B3GAT2: variants seen among roughly 807,000 people sequenced by gnomAD.
B3GAT2 encodes galactosylgalactosylxylosylprotein 3-beta-glucuronosyltransferase 2.
B3GAT2 carries 26 observed loss-of-function variants against 27.8 expected under a neutral mutation model. The observed-to-expected ratio is 0.93, with a 90% confidence interval of 0.68 to 1.30. B3GAT2 has a LOEUF of 1.30. Ranked by LOEUF, B3GAT2 falls within the 50% of genes most tolerant of loss-of-function variation. The pLI is 0.00. For missense variants in B3GAT2, 458 were observed against 459.0 expected (o/e 1.00, Z 0.02); for synonymous variants, 218 against 195.1 (o/e 1.12, Z -0.98).
intron 2 of B3GAT2, among the ~76,000 whole-genome samples, chr6:70,869,133 T>C (rs1387874017): frequency 6.6e-6 from 1 of 152,196 alleles, no homozygotes; most frequent in Non-Finnish European, 1.5e-5. Context: ...TTCTATTTCA[T>C]TAATCTATAT....
At chr6:70,948,481 A>G (rs1484481230) in intron 1 of B3GAT2, among the ~76,000 whole-genome samples, 1 of 151,764 alleles carries the variant, frequency 6.6e-6, no homozygotes, top group Non-Finnish European at 1.5e-5. Context: ...CCCATGCACA[A>G]TTGCTTCAAA....
intron 1 of B3GAT2, among the ~76,000 whole-genome samples, chr6:70,947,493 A>C (rs926139589): frequency 6.6e-6 from 1 of 152,206 alleles, no homozygotes; most frequent in South Asian, 2.1e-4. Context: ...GAAATGGATA[A>C]ATTCCTCGAC....
chr6:70,932,877 C>T (rs1469248733), intron 1 of B3GAT2, among the ~76,000 whole-genome samples: 18 of 152,074 alleles, frequency 1.2e-4, no homozygotes. Flanking sequence ...TCATAGAGCA[C>T]CACAACCTCA....
At chr6:70,943,836 G>T (rs189293647) in intron 1 of B3GAT2, among the ~76,000 whole-genome samples, 1 of 151,964 alleles carries the variant, frequency 6.6e-6, no homozygotes, top group Non-Finnish European at 1.5e-5. Flanking sequence ...TTGGTCAAAG[G>T]ATACAAAATT....
intron 1 of B3GAT2, among the ~76,000 whole-genome samples, chr6:70,897,676 T>C (rs796869101): frequency 6.7e-6 from 1 of 148,490 alleles, no homozygotes; most frequent in East Asian, 2.0e-4. Context: ...AAAAAATATA[T>C]ATATATATAT....
rs1158315945 is a variant in B3GAT2 at position 70,935,138 on chromosome 6, AAG to A, written c.591+20699_591+20700del. On this transcript the variant is annotated intron_variant, in intron 1 of 3. Transcript: ENST00000230053. ...AGGAGGAATGAAGATAGAAAAAAAA[AAG>A]AGCAATATAAAATATCCAAACGTGG... Among the ~76,000 whole-genome samples, 5 of 152,212 alleles carry A rather than the reference AAG, an allele frequency of 3.3e-5. No individual in the cohort carries two copies. The East Asian group carries it at 7.7e-4, about 23-fold the overall frequency.
At chr6:70,866,398 T>C (rs1026880588) in intron 2 of B3GAT2, among the ~76,000 whole-genome samples, 1 of 152,212 alleles carries the variant, frequency 6.6e-6, no homozygotes, top group African/African-American at 2.4e-5. Flanking sequence ...CATATGTATT[T>C]ATAATATAGT....
chr6:70,889,645 T>C (rs1306008724), intron 2 of B3GAT2, among the ~76,000 whole-genome samples: 6 of 152,094 alleles, frequency 3.9e-5, no homozygotes, highest in African/African-American at 4.8e-5. Context: ...TCAGTGGCCA[T>C]TGCACCCTTC....
intron 1 of B3GAT2, among the ~76,000 whole-genome samples, chr6:70,918,742 T>C (rs1392794079): frequency 1.3e-5 from 2 of 152,226 alleles, no homozygotes; most frequent in African/African-American, 2.4e-5. Context: ...TTCTGGCTTG[T>C]AGTGTTTCTG....
chr6:70,918,229 T>G (rs1360461854), intron 1 of B3GAT2, among the ~76,000 whole-genome samples: 1 of 151,694 alleles, frequency 6.6e-6, no homozygotes, highest in Admixed American at 6.6e-5. Context: ...TGGCAAACCC[T>G]TTTTTTTGCT....
chr6:70,879,484 C>T (rs1428546453), intron 2 of B3GAT2, among the ~76,000 whole-genome samples: 1 of 150,898 alleles, frequency 6.6e-6, no homozygotes. Flanking sequence ...ACTTAGGATT[C>T]ATTCATTCAT....
chr6:70,955,208 A>T lies in B3GAT2; in HGVS notation c.591+631T>A, dbSNP rs76082319. On this transcript the variant is annotated intron_variant, in intron 1 of 3. Coordinates refer to ENST00000230053, the MANE Select transcript of B3GAT2 (RefSeq NM_080742.3). ...AAAAAAAAGTAATCTTGAGGGTCAGAAAAGACTTTTGTGAGGTGTGGGAAA... is the reference window on the plus strand; with the variant it reads ...AAAAAAAAGTAATCTTGAGGGTCAGTAAAGACTTTTGTGAGGTGTGGGAAA... 3.9e-5 allele frequency among the ~76,000 whole-genome samples: 6 copies of T among 151,990 alleles called. No individual in the cohort carries two copies. The East Asian group carries it at 1.2e-3, about 29-fold the overall frequency.
rs1031522548 is a variant in B3GAT2 at position 70,948,749 on chromosome 6, A to G, written c.591+7090T>C. Among the ~76,000 whole-genome samples the G allele has an allele frequency of 2.5e-3, 379 of 152,336 alleles. 1 individual carries two copies. The highest frequency in any genetic ancestry group is 3.8e-3 in the Non-Finnish European group (261 of 68,040). Reference sequence around the variant, plus strand: ...AAAACTACTTTAAAGTTCATATGGAACCAAAAAAGAACCCACATCGTCAAG... The same window carrying G: ...AAAACTACTTTAAAGTTCATATGGAGCCAAAAAAGAACCCACATCGTCAAG... On this transcript the variant is annotated intron_variant, in intron 1 of 3. Transcript: ENST00000230053.
In B3GAT2 at chr6:70,860,226, T is replaced by G. The variant is rs372284309; in HGVS notation, c.*1437A>C. ...TGAATCAGCAGATGGCTGGCATGAG[T>G]ATCAGTAGTGCAACCCCTACTGCAG... On this transcript the variant is annotated 3_prime_UTR_variant, in exon 4 of 4. Coordinates refer to ENST00000230053, the MANE Select transcript of B3GAT2 (RefSeq NM_080742.3). 1.9e-6 allele frequency: 3 copies of G among 1,612,534 alleles called. No individual in the cohort carries two copies. The African/African-American group carries it at 4.0e-5, about 22-fold the overall frequency.
At position 70,908,536 on chromosome 6, in the gene B3GAT2, A is replaced by G. The variant is rs193300847; in HGVS notation, c.592-14264T>C. On this transcript the variant is annotated intron_variant, in intron 1 of 3. Transcript: ENST00000230053. Reference sequence around the variant, plus strand: ...TAGAAGCAGTAGACTAGAGGTATACATAGCAATATAAATAAACCTCAAAAA... The same window carrying G: ...TAGAAGCAGTAGACTAGAGGTATACGTAGCAATATAAATAAACCTCAAAAA... Among the ~76,000 whole-genome samples the G allele has an allele frequency of 3.6e-4, 55 of 152,374 alleles. No individual in the cohort carries two copies. The East Asian group carries it at 9.0e-3, about 25-fold the overall frequency.
At chr6:70,869,491 A>G (rs1035531479) in intron 2 of B3GAT2, among the ~76,000 whole-genome samples, 1 of 152,188 alleles carries the variant, frequency 6.6e-6, no homozygotes, top group Non-Finnish European at 1.5e-5. Context: ...TAATTGGGGG[A>G]ATATTGCCAT....
intron 1 of B3GAT2, among the ~76,000 whole-genome samples, chr6:70,911,992 A>G (rs1772696051): frequency 6.6e-6 from 1 of 152,048 alleles, no homozygotes; most frequent in South Asian, 2.1e-4. Flanking sequence ...TTGCACAGTG[A>G]TTTTGTACAC....
chr6:70,865,151 A>T (rs1027321949), intron 2 of B3GAT2, among the ~76,000 whole-genome samples: 12 of 152,310 alleles, frequency 7.9e-5, no homozygotes, highest in Admixed American at 2.0e-4. Context: ...TTTTGGACAG[A>T]GTTTCACTCT....
chr6:70,868,129 C>A (rs1396786007), intron 2 of B3GAT2, among the ~76,000 whole-genome samples: 11 of 152,124 alleles, frequency 7.2e-5, no homozygotes, highest in Admixed American at 5.2e-4. Context: ...AAAAGCCTCT[C>A]AGCAAACTAA....
Sources: allele counts gnomAD v4.1 joint callset (sites outside exome capture counted in the v4.1 genomes callset), GRCh38; gene constraint gnomAD v4.1.1; transcripts MANE v1.5; gene names NCBI Gene and HGNC (gene_info 2026-07-23, HGNC 2026-07-21).